The following SNAP91 variants were observed in gnomAD, a reference collection of about 807,000 sequenced individuals.
SNAP91 encodes the protein clathrin coat assembly protein AP180.
Under a neutral mutation model 100.3 loss-of-function variants are expected in SNAP91, and 27 were observed. The ratio of observed to expected loss-of-function variants is 0.27; its 90% CI spans 0.20 to 0.37. The LOEUF (loss-of-function observed/expected upper bound fraction) is 0.37. Ranked by LOEUF, SNAP91 falls within the 10% of genes least tolerant of loss-of-function variation. The pLI is 1.00. For missense variants in SNAP91, 986 were observed against 1,123.7 expected, an observed-to-expected ratio of 0.88 and a Z score of 1.75; for synonymous variants, 404 against 398.6, an observed-to-expected ratio of 1.01 and a Z score of -0.16.
intron 2 of SNAP91, among the ~76,000 whole-genome samples, chr6:83,667,141 A>G (rs1411672274): frequency 3.9e-5 from 6 of 152,128 alleles, no homozygotes; most frequent in African/African-American, 1.4e-4. Flanking sequence ...AAAATAACGC[A>G]TGGGTAAAAA....
At position 83,620,027 on chromosome 6, in the gene SNAP91, A is replaced by C. The variant is rs144743349; in HGVS notation, c.808-2988T>G. Among the ~76,000 whole-genome samples the C allele has an allele frequency of 4.6e-5, 7 of 152,304 alleles. No homozygotes were observed. The East Asian group carries it at 1.3e-3, about 29-fold the overall frequency. ...ACAGTTATTTTTGAATGTCCTTAAAAATTTCATTGATATTGGTGAATAATT... is the reference window on the plus strand; with the variant it reads ...ACAGTTATTTTTGAATGTCCTTAAACATTTCATTGATATTGGTGAATAATT... On this transcript the variant is annotated intron_variant, in intron 9 of 29. Coordinates refer to ENST00000369694, the MANE Select transcript of SNAP91 (RefSeq NM_001242792.2).
chr6:83,619,084 G>C (rs1275954581), intron 9 of SNAP91, among the ~76,000 whole-genome samples: 2 of 149,440 alleles, frequency 1.3e-5, no homozygotes, highest in Non-Finnish European at 3.0e-5. Context: ...CTTTCTAAGT[G>C]AGAAAATTGA....
intron 7 of SNAP91, among the ~76,000 whole-genome samples, chr6:83,650,796 CTCTATT>C (rs1300940493): frequency 2.0e-5 from 3 of 152,202 alleles, no homozygotes; most frequent in East Asian, 1.9e-4. Flanking sequence ...GAAGAATCTT[CTCTATT>C]TCTATCTTCT....
At chr6:83,556,086 C>A in intron 29 of SNAP91, 57 bp downstream of exon 29, 2 of 920,336 alleles carry the variant, frequency 2.2e-6, no homozygotes, top group South Asian at 1.5e-5. Context: ...TCTGAAATAG[C>A]TAAGCATTGT....
intron 7 of SNAP91, among the ~76,000 whole-genome samples, chr6:83,643,944 A>G (rs2097812467): frequency 6.6e-6 from 1 of 152,204 alleles, no homozygotes; most frequent in Non-Finnish European, 1.5e-5. Context: ...AATGCAATGG[A>G]TAAACTCACG....
intron 23 of SNAP91, 61 bp downstream of exon 23, chr6:83,582,160 AG>A: frequency 6.4e-7 from 1 of 1,570,840 alleles, no homozygotes; most frequent in Non-Finnish European, 8.7e-7. Flanking sequence ...TACTAACCTT[AG>A]GTAGTACTTT....
intron 22 of SNAP91, among the ~76,000 whole-genome samples, chr6:83,584,241 T>G (rs1014871392): frequency 3.3e-5 from 5 of 152,184 alleles, no homozygotes; most frequent in African/African-American, 1.2e-4. Context: ...GGAGAAAACT[T>G]GACTCTTGAC....
In SNAP91 at chr6:83,621,933, A is replaced by T. The variant is rs541042146; in HGVS notation, c.807+1368T>A. 1.3e-3 allele frequency among the ~76,000 whole-genome samples: 199 copies of T among 152,214 alleles called. 1 individual carries two copies. The highest frequency in any genetic ancestry group is 4.5e-3 in the African/African-American group (189 of 41,580). ...GTATTACTTATGTGGATTATTTTTT[A>T]AAATGTACTATAAATTTTACTAAAA... On this transcript the variant is annotated intron_variant, in intron 9 of 29. Transcript: ENST00000369694.
At chr6:83,611,273 A>G (rs2096054570) in intron 11 of SNAP91, among the ~76,000 whole-genome samples, 1 of 152,114 alleles carries the variant, frequency 6.6e-6, no homozygotes, top group African/African-American at 2.4e-5. Flanking sequence ...TCATCCTGTT[A>G]TAATTAGTGG....
rs567008528 is a variant in SNAP91, at chr6:83,596,996, T to C, written c.1325-2515A>G. On this transcript the variant is annotated intron_variant, in intron 16 of 29. Transcript: ENST00000369694. ...GCTGACCCCTTTAGGTTATCACTTATGTGTAAGGAGATAAAGCCCATATTG... is the reference window on the plus strand; with the variant it reads ...GCTGACCCCTTTAGGTTATCACTTACGTGTAAGGAGATAAAGCCCATATTG... Among the ~76,000 whole-genome samples, 103 of 152,322 alleles carry C rather than the reference T, an allele frequency of 6.8e-4. 1 individual carries two copies. The highest frequency in any genetic ancestry group is 2.1e-3 in the African/African-American group (88 of 41,576).
chr6:83,627,451 T>C (rs747611206), intron 8 of SNAP91, among the ~76,000 whole-genome samples: 14 of 152,198 alleles, frequency 9.2e-5, no homozygotes, highest in Non-Finnish European at 2.1e-4. Flanking sequence ...TTACATCTGA[T>C]AGAATTTAGC....
chr6:83,581,070 T>C (rs147445426), intron 23 of SNAP91, among the ~76,000 whole-genome samples: 142 of 152,298 alleles, frequency 9.3e-4, no homozygotes, highest in African/African-American at 3.1e-3. Flanking sequence ...TTCAAGAAAA[T>C]AGTGAAAAGA....
At chr6:83,580,099 C>T (rs1582099193) in intron 24 of SNAP91, among the ~76,000 whole-genome samples, 1 of 152,252 alleles carries the variant, frequency 6.6e-6, no homozygotes, top group East Asian at 1.9e-4. Context: ...AGATACTATA[C>T]TTCATGTAAG....
chr6:83,705,464 A>G (rs1226440174), intron 2 of SNAP91, among the ~76,000 whole-genome samples: 1 of 152,164 alleles, frequency 6.6e-6, no homozygotes, highest in Non-Finnish European at 1.5e-5. Flanking sequence ...TCAATAAAGT[A>G]TATTACTAAT....
At chr6:83,555,905 C>T (rs922840808) in intron 29 of SNAP91, among the ~76,000 whole-genome samples, 1 of 152,022 alleles carries the variant, frequency 6.6e-6, no homozygotes, top group African/African-American at 2.4e-5. Context: ...TAAAGCTAAT[C>T]GTTGTGCTTT....
chr6:83,607,065 A>G (rs552739293), intron 13 of SNAP91, among the ~76,000 whole-genome samples: 1 of 152,328 alleles, frequency 6.6e-6, no homozygotes, highest in Middle Eastern at 3.4e-3. Context: ...AGATACTACA[A>G]AATGATATTA....
At chr6:83,653,316 G>A (rs779747263) in intron 7 of SNAP91, among the ~76,000 whole-genome samples, 8 of 151,920 alleles carry the variant, frequency 5.3e-5, no homozygotes, top group African/African-American at 1.5e-4. Context: ...CTGTTCTGCC[G>A]TTTTTGTCTT....
chr6:83,554,297 A>C lies in SNAP91; in HGVS notation c.*11-12T>G, dbSNP rs1325848859. The C allele has an allele frequency of 3.2e-6, 1 of 311,984 alleles. No homozygotes were observed. Among genetic ancestry groups the C allele is most frequent in the African/African-American group, 2.3e-5 (1 of 43,718 alleles). 19.3% of individuals were successfully genotyped at this position (311,984 alleles called of 1,614,324 possible). A position where few individuals can be genotyped will look rare whatever the true frequency, so the allele number is the denominator to read the frequency against. On this transcript the variant is annotated splice_polypyrimidine_tract_variant and intron_variant, in intron 29 of 29. Transcript: ENST00000369694. ...CACAAATATTGCAGCTGTAAAGAAA[A>C]CAAAAACTAGAATTAGAAAACAAGA...
chr6:83,655,968 C>G (rs2098394616), intron 7 of SNAP91, among the ~76,000 whole-genome samples: 1 of 152,106 alleles, frequency 6.6e-6, no homozygotes, highest in Non-Finnish European at 1.5e-5. Context: ...GAATAATATC[C>G]CCACAAAGGG....
Sources: gnomAD v4.1 joint callset for allele counts (sites outside exome capture counted in the v4.1 genomes callset) on GRCh38, gnomAD v4.1.1 for gene constraint, MANE v1.5 for transcripts, NCBI Gene and HGNC (gene_info 2026-07-23, HGNC 2026-07-21) for gene names.